WWOX: variants seen among roughly 807,000 people sequenced by gnomAD.
The protein encoded by WWOX is WW domain-containing oxidoreductase.
Under a neutral mutation model 46.2 loss-of-function variants are expected in WWOX, and 69 were observed. The observed-to-expected ratio is 1.49, with a 90% CI of 1.23 to 1.82. WWOX has a LOEUF of 1.82. Among genes scored for constraint, WWOX ranks in the 40% most tolerant of loss-of-function variants. The pLI, the probability that WWOX is intolerant of heterozygous loss-of-function variation, is 0.00. For synonymous variants in WWOX, 359 were observed against 202.6 expected (o/e 1.77, Z -6.56); for missense variants, 919 against 542.6 (o/e 1.69, Z -6.89).
In WWOX at chr16:78,392,385, A is replaced by G. The variant is rs1176226380; in HGVS notation, c.605+5437A>G. On this transcript the variant is annotated intron_variant, in intron 6 of 8. Coordinates refer to ENST00000566780, the MANE Select transcript of WWOX (RefSeq NM_016373.4). ...AAGATGGGATTGTCTAGTTCTAGGA[A>G]AACAAGCTCAGGGCTCCCACCGATT... Among the ~76,000 whole-genome samples, 12 of 152,054 alleles carry G rather than the reference A, an allele frequency of 7.9e-5. No individual in the cohort carries two copies. The East Asian group carries it at 1.9e-3, about 25-fold the overall frequency.
chr16:78,558,511 A>G (rs1487390430), intron 8 of WWOX, among the ~76,000 whole-genome samples: 1 of 152,194 alleles, frequency 6.6e-6, no homozygotes, highest in African/African-American at 2.4e-5. Flanking sequence ...GCCCCTCTTT[A>G]GCTGGGGCAT....
chr16:78,396,532 A>C (rs1045573306), intron 6 of WWOX, among the ~76,000 whole-genome samples: 1 of 152,196 alleles, frequency 6.6e-6, no homozygotes. Flanking sequence ...CACGCTTTGG[A>C]GGGTAGATAC....
chr16:78,868,902 T>C (rs1230052987), intron 8 of WWOX, among the ~76,000 whole-genome samples: 1 of 152,098 alleles, frequency 6.6e-6, no homozygotes, highest in Non-Finnish European at 1.5e-5. Context: ...AAATTTGCAC[T>C]TTTCCCCCCT....
At chr16:78,617,461 G>A (rs574800556) in intron 8 of WWOX, among the ~76,000 whole-genome samples, 14 of 151,278 alleles carry the variant, frequency 9.3e-5, no homozygotes, top group Admixed American at 7.2e-4. Context: ...TAAGTATTTC[G>A]TGAAATTGAT....
At chr16:79,116,336 C>G (rs144172679) in intron 8 of WWOX, among the ~76,000 whole-genome samples, 525 of 152,336 alleles carry the variant, frequency 3.4e-3, no homozygotes, top group Middle Eastern at 0.01. Context: ...CATCATTTTA[C>G]TCACAGCAGA....
At position 78,793,203 on chromosome 16, in the gene WWOX, A is replaced by G. The variant is rs111921628; in HGVS notation, c.1056+360451A>G. 6.9e-3 allele frequency among the ~76,000 whole-genome samples: 1,054 copies of G among 152,108 alleles called. 16 individuals are homozygous for G. The highest frequency in any genetic ancestry group is 0.024 in the African/African-American group (989 of 41,488). On this transcript the variant is annotated intron_variant, in intron 8 of 8. Coordinates refer to ENST00000566780, the MANE Select transcript of WWOX (RefSeq NM_016373.4). Reference sequence around the variant, plus strand: ...TCTTCACACCTCAGCCTCCCAAGTAACTGGGACCACAATGCCCAGCTAATT... The same window carrying G: ...TCTTCACACCTCAGCCTCCCAAGTAGCTGGGACCACAATGCCCAGCTAATT...
At chr16:78,824,555 G>T (rs568651384) in intron 8 of WWOX, among the ~76,000 whole-genome samples, 1 of 152,144 alleles carries the variant, frequency 6.6e-6, no homozygotes, top group Non-Finnish European at 1.5e-5. Flanking sequence ...AGAAAAAGAG[G>T]TTTAATTGGA....
chr16:78,414,269 G>A (rs1451244127), intron 6 of WWOX, among the ~76,000 whole-genome samples: 1 of 152,154 alleles, frequency 6.6e-6, no homozygotes, highest in Admixed American at 6.5e-5. Flanking sequence ...GCACTCAGGT[G>A]ATTAAAAAGC....
At chr16:78,241,888 G>A (rs1381620659) in intron 5 of WWOX, among the ~76,000 whole-genome samples, 1 of 152,170 alleles carries the variant, frequency 6.6e-6, no homozygotes, top group East Asian at 1.9e-4. Flanking sequence ...TTGCCTGGCA[G>A]CGTCACGTAG....
At chr16:78,936,447 G>A (rs542161025) in intron 8 of WWOX, among the ~76,000 whole-genome samples, 1 of 152,160 alleles carries the variant, frequency 6.6e-6, no homozygotes, top group South Asian at 2.1e-4. Context: ...TTTCTCTGTA[G>A]GCTTAGCTAC....
At chr16:78,488,465 G>A (rs1319390624) in intron 8 of WWOX, among the ~76,000 whole-genome samples, 1 of 152,114 alleles carries the variant, frequency 6.6e-6, no homozygotes, top group East Asian at 1.9e-4. Context: ...GGCTCTTCCT[G>A]AGATTCCCTC....
chr16:78,849,176 C>G (rs936921417), intron 8 of WWOX, among the ~76,000 whole-genome samples: 3 of 152,172 alleles, frequency 2.0e-5, no homozygotes, highest in African/African-American at 7.2e-5. Flanking sequence ...TCTGCCCAAA[C>G]ATACAAGAGT....
chr16:78,668,144 G>A (rs2047375573), intron 8 of WWOX, among the ~76,000 whole-genome samples: 1 of 152,182 alleles, frequency 6.6e-6, no homozygotes, highest in Non-Finnish European at 1.5e-5. Context: ...GCCAGCTGTG[G>A]TGGCACATGC....
At chr16:79,009,836 C>G (rs1490268238) in intron 8 of WWOX, among the ~76,000 whole-genome samples, 3 of 152,152 alleles carry the variant, frequency 2.0e-5, no homozygotes, top group Admixed American at 6.5e-5. Context: ...CTGTACCTAT[C>G]ATGGGGGCTT....
At chr16:79,132,512 G>A (rs1229433556) in intron 8 of WWOX, among the ~76,000 whole-genome samples, 1 of 152,132 alleles carries the variant, frequency 6.6e-6, no homozygotes, top group African/African-American at 2.4e-5. Context: ...TGATTGGGAG[G>A]TAGTCTTTTC....
rs1356119977 is a variant in WWOX at position 78,178,804 on chromosome 16, C to T, written c.516+14515C>T. ...CCTTGAACCTGGGAGGCAGAGGTTG[C>T]AGTGAGCCAAGGTGGTGCCACTGCA... On this transcript the variant is annotated intron_variant, in intron 5 of 8. Transcript: ENST00000566780. Among the ~76,000 whole-genome samples, 3 of 150,032 alleles carry T rather than the reference C, an allele frequency of 2.0e-5. No individual in the cohort carries two copies. The East Asian group carries it at 5.9e-4, about 29-fold the overall frequency.
chr16:79,083,643 C>A (rs1035350283), intron 8 of WWOX, among the ~76,000 whole-genome samples: 10 of 152,108 alleles, frequency 6.6e-5, no homozygotes, highest in Non-Finnish European at 1.3e-4. Context: ...CAGTTAGGTT[C>A]GAAGGAAAAC....
chr16:79,131,263 G>C (rs2049872602), intron 8 of WWOX, among the ~76,000 whole-genome samples: 1 of 152,100 alleles, frequency 6.6e-6, no homozygotes, highest in African/African-American at 2.4e-5. Context: ...CAAAATATTA[G>C]AAGCAAAAGA....
chr16:78,645,184 A>G (rs572681657), intron 8 of WWOX, among the ~76,000 whole-genome samples: 11 of 152,058 alleles, frequency 7.2e-5, no homozygotes, highest in Non-Finnish European at 1.6e-4. Context: ...TTTTCCATGT[A>G]CTGGTTTCTC....
Sources: allele counts gnomAD v4.1 joint callset (sites outside exome capture counted in the v4.1 genomes callset), GRCh38; gene constraint gnomAD v4.1.1; transcripts MANE v1.5; gene names NCBI Gene and HGNC (gene_info 2026-07-23, HGNC 2026-07-21).